IFT88: variants seen among roughly 807,000 people sequenced by gnomAD.
IFT88 encodes intraflagellar transport protein 88 homolog.
IFT88 carries 74 observed loss-of-function variants against 119.5 expected under a neutral mutation model. The observed-to-expected ratio is 0.62, with a 90% CI of 0.51 to 0.75. The LOEUF is 0.75. Ranked by LOEUF, IFT88 falls within the 30% of genes least tolerant of loss-of-function variation. The probability of loss-of-function intolerance (pLI) is 0.00; values close to 1 mark genes in which losing one functional copy is unlikely to be tolerated. For synonymous variants in IFT88, 279 were observed against 316.7 expected (o/e 0.88, Z 1.26); for missense variants, 961 against 977.7 (o/e 0.98, Z 0.23).
At chr13:20,661,940 A>C (rs2053874627) in intron 22 of IFT88, among the ~76,000 whole-genome samples, 1 of 152,128 alleles carries the variant, frequency 6.6e-6, no homozygotes, top group African/African-American at 2.4e-5. Context: ...CTGCTTCTGA[A>C]AACAGGAGGG....
chr13:20,691,301 C>A lies in IFT88; in HGVS notation c.*126C>A. 1.1e-6 allele frequency: 1 copy of A among 873,626 alleles called. No individual in the cohort carries two copies. The highest frequency in any genetic ancestry group is 1.7e-6 in the Non-Finnish European group (1 of 586,998). The allele number at this position is 873,626 out of a possible 1,614,324, so 54.1% of individuals were successfully genotyped here. ...CTGTCAAAACTTAAGTAAGTGTATT[C>A]TATTCTGTATGTATGCATTTAAGTT... is the stretch of plus-strand genomic sequence containing the variant. On this transcript the variant is annotated 3_prime_UTR_variant, in exon 26 of 26. Coordinates refer to ENST00000351808, the MANE Select transcript of IFT88 (RefSeq NM_006531.5).
chr13:20,570,051 A>T (rs2035989824), intron 1 of IFT88, among the ~76,000 whole-genome samples: 1 of 152,090 alleles, frequency 6.6e-6, no homozygotes, highest in Non-Finnish European at 1.5e-5. Flanking sequence ...AAAAAAAAAA[A>T]AATGAGCAAA....
rs187634251 is a variant in IFT88, at chr13:20,624,549, C to T, written c.1200-1201C>T. ...AACATCCCCATTATACCAGAAGACT[C>T]TAATAAAGGCTATGGGAATTATGAG... On this transcript the variant is annotated intron_variant, in intron 14 of 25. Coordinates refer to ENST00000351808, the MANE Select transcript of IFT88 (RefSeq NM_006531.5). Among the ~76,000 whole-genome samples, 397 of 152,198 alleles carry T rather than the reference C, an allele frequency of 2.6e-3. 1 individual carries two copies. The highest frequency in any genetic ancestry group is 0.017 in the Middle Eastern group (5 of 294).
chr13:20,589,537 A>T (rs576569066), intron 3 of IFT88, among the ~76,000 whole-genome samples: 7 of 152,294 alleles, frequency 4.6e-5, no homozygotes, highest in African/African-American at 7.2e-5. Flanking sequence ...TTAATTCGTG[A>T]TGGTTGCAAG....
At chr13:20,625,294 A>G (rs898220673) in intron 14 of IFT88, among the ~76,000 whole-genome samples, 3 of 152,218 alleles carry the variant, frequency 2.0e-5, no homozygotes, top group African/African-American at 4.8e-5. Flanking sequence ...TTGTAGAGCA[A>G]TTAGCACTGC....
intron 19 of IFT88, 108 bp downstream of exon 19, chr13:20,643,713 A>C: frequency 1.3e-6 from 1 of 755,450 alleles, no homozygotes; most frequent in Non-Finnish European, 2.1e-6. Context: ...TTTTAAAATG[A>C]TTTATTTAAA....
At chr13:20,657,468 A>G (rs1451929526) in intron 22 of IFT88, among the ~76,000 whole-genome samples, 2 of 152,260 alleles carry the variant, frequency 1.3e-5, no homozygotes, top group East Asian at 3.8e-4. Context: ...GTGGAAATAT[A>G]AAGCAATTTA....
At chr13:20,640,960 A>G (rs766137354) in intron 17 of IFT88, among the ~76,000 whole-genome samples, 9 of 152,174 alleles carry the variant, frequency 5.9e-5, no homozygotes, top group Non-Finnish European at 1.2e-4. Context: ...AGCCTGAGCA[A>G]CATGGCAAAA....
At chr13:20,643,997 C>T (rs2050355924) in intron 19 of IFT88, among the ~76,000 whole-genome samples, 2 of 152,154 alleles carry the variant, frequency 1.3e-5, no homozygotes, top group Non-Finnish European at 2.9e-5. Flanking sequence ...AGGTGATCTG[C>T]CTGCCTCAGC....
chr13:20,583,478 T>G (rs1315577950), intron 3 of IFT88, among the ~76,000 whole-genome samples: 1 of 152,208 alleles, frequency 6.6e-6, no homozygotes, highest in Non-Finnish European at 1.5e-5. Flanking sequence ...CAATGAACAC[T>G]TGTTCATTTT....
At chr13:20,666,676 T>C (rs573419743) in intron 23 of IFT88, among the ~76,000 whole-genome samples, 2 of 152,380 alleles carry the variant, frequency 1.3e-5, no homozygotes, top group East Asian at 3.9e-4. Context: ...TCTCTCATTT[T>C]TTTTCCAGAG....
At chr13:20,586,653 G>A (rs2039719528) in intron 3 of IFT88, among the ~76,000 whole-genome samples, 1 of 152,210 alleles carries the variant, frequency 6.6e-6, no homozygotes, top group Non-Finnish European at 1.5e-5. Context: ...TCATTAGGCA[G>A]TAGTTAAAAA....
intron 14 of IFT88, among the ~76,000 whole-genome samples, chr13:20,624,512 C>T (rs1038294902): frequency 6.6e-6 from 1 of 152,188 alleles, no homozygotes; most frequent in Non-Finnish European, 1.5e-5. Context: ...CAGAGGCCTG[C>T]ACTTGAGGCC....
At position 20,626,043 on chromosome 13, in the gene IFT88, C is replaced by CTTTTTTTTTTTTTTTTTTTTTTTTTT. The variant is rs528587128; in HGVS notation, c.1299+204_1299+229dup. Among the ~76,000 whole-genome samples the CTTTTTTTTTTTTTTTTTTTTTTTTTT allele has an allele frequency of 5.1e-5, 2 of 39,574 alleles. 1 individual carries two copies. Among genetic ancestry groups the CTTTTTTTTTTTTTTTTTTTTTTTTTT allele is most frequent in the African/African-American group, 2.3e-4 (2 of 8,582 alleles). 26.0% of individuals were successfully genotyped at this position (39,574 alleles called of 152,430 possible). On this transcript the variant is annotated intron_variant, in intron 15 of 25. Coordinates refer to ENST00000351808, the MANE Select transcript of IFT88 (RefSeq NM_006531.5). ...ATTAATTTTTGCCTGTTTGTCGTTT[C>CTTTTTTTTTTTTTTTTTTTTTTTTTT]TTTTTTTTTTTTTTTTTTTTTTTTT... is the stretch of plus-strand genomic sequence containing the variant.
chr13:20,622,543 C>T (rs2046707761), intron 14 of IFT88, among the ~76,000 whole-genome samples: 1 of 152,004 alleles, frequency 6.6e-6, no homozygotes, highest in African/African-American at 2.4e-5. Flanking sequence ...TGGTGGCGTC[C>T]CATTGTTGTT....
chr13:20,569,933 T>C (rs1434588960), intron 1 of IFT88, among the ~76,000 whole-genome samples: 3 of 151,680 alleles, frequency 2.0e-5, no homozygotes, highest in Non-Finnish European at 2.9e-5. Flanking sequence ...TAGTCCCAGC[T>C]ACTCGAGAGG....
At chr13:20,575,476 A>G (rs1237032412) in intron 2 of IFT88, among the ~76,000 whole-genome samples, 1 of 152,130 alleles carries the variant, frequency 6.6e-6, no homozygotes, top group Non-Finnish European at 1.5e-5. Context: ...CCCCACGCAC[A>G]TCTCATGTTG....
intron 20 of IFT88, among the ~76,000 whole-genome samples, chr13:20,649,876 A>G (rs1402610934): frequency 6.6e-6 from 1 of 152,160 alleles, no homozygotes; most frequent in East Asian, 1.9e-4. Flanking sequence ...AAATTAGATA[A>G]CCTAGATAAA....
At chr13:20,643,127 AAAAG>A (rs1464252757) in intron 18 of IFT88, among the ~76,000 whole-genome samples, 28 of 152,226 alleles carry the variant, frequency 1.8e-4, no homozygotes, top group African/African-American at 6.8e-4. Context: ...CATGTTAAGA[AAAAG>A]AATAACTGGA....
Sources: allele counts gnomAD v4.1 joint callset (sites outside exome capture counted in the v4.1 genomes callset), GRCh38; gene constraint gnomAD v4.1.1; transcripts MANE v1.5; gene names NCBI Gene and HGNC (gene_info 2026-07-23, HGNC 2026-07-21).